The following DLC1 variants were observed in gnomAD, a reference collection of about 807,000 sequenced individuals.
DLC1 encodes the protein DLC1 Rho GTPase activating protein.
Under a neutral mutation model 140.3 loss-of-function variants are expected in DLC1, and 54 were observed. That is an observed-to-expected ratio of 0.38 (90% CI 0.31 to 0.48). The LOEUF (loss-of-function observed/expected upper bound fraction) is 0.48. Among genes scored for constraint, DLC1 ranks in the 20% least tolerant of loss-of-function variants. DLC1 has a pLI of 0.96. For synonymous variants in DLC1, 986 were observed against 728.1 expected, an observed-to-expected ratio of 1.35 and a Z score of -5.70; for missense variants, 2,536 against 1,907.0, an observed-to-expected ratio of 1.33 and a Z score of -6.14.
intron 1 of DLC1, among the ~76,000 whole-genome samples, chr8:13,528,957 T>A (rs1047241016): frequency 6.6e-6 from 1 of 152,182 alleles, no homozygotes; most frequent in African/African-American, 2.4e-5. Context: ...CCACCATGCA[T>A]GCTTGAACAC....
chr8:13,436,964 A>T (rs895279926), intron 2 of DLC1, among the ~76,000 whole-genome samples: 11 of 152,346 alleles, frequency 7.2e-5, no homozygotes, highest in Non-Finnish European at 1.3e-4. Context: ...AAATGAATCT[A>T]TAAATATCTA....
chr8:13,217,746 G>A (rs1371381863), intron 5 of DLC1, among the ~76,000 whole-genome samples: 1 of 151,908 alleles, frequency 6.6e-6, no homozygotes, highest in Admixed American at 6.6e-5. Flanking sequence ...GCTGAGGCAG[G>A]AGAATTGCTT....
At chr8:13,516,342 T>C (rs889369395), upstream of DLC1, among the ~76,000 whole-genome samples, 4 of 152,158 alleles carry the variant, frequency 2.6e-5, no homozygotes, top group Admixed American at 2.6e-4. Flanking sequence ...TATCCTGTTC[T>C]TCTCTGAAAT....
rs1358689785 is a variant in DLC1 at position 13,090,395 on chromosome 8, C to T, written c.3931G>A (p.Gly1311Arg). 4.3e-6 allele frequency: 7 copies of T among 1,614,166 alleles called. No individual in the cohort carries two copies. Among genetic ancestry groups the T allele is most frequent in the Non-Finnish European group, 5.9e-6 (7 of 1,180,038 alleles). Reference sequence around the variant, plus strand: ...GCTGAGTCATCATTACCCAGGTGCCCGAGTGCTTCCAGAGTGAGGGGCTTC... The same window carrying T: ...GCTGAGTCATCATTACCCAGGTGCCTGAGTGCTTCCAGAGTGAGGGGCTTC... ...ELKPLTLEAL[G>R]HLGNDDSADY... The change falls in exon 15 of 18, where the codon GGG becomes AGG. Residue 1311 changes from glycine (G) to arginine (R), a missense_variant. Physicochemically the swap from Gly to Arg is moderately radical, Grantham distance 125. Transcript: ENST00000276297.
intron 5 of DLC1, among the ~76,000 whole-genome samples, chr8:13,230,597 C>CTTTTTTTT (rs548424340): frequency 1.2e-4 from 16 of 133,668 alleles, no homozygotes; most frequent in Non-Finnish European, 1.5e-4. Flanking sequence ...TTTCTTTTTT[C>CTTTTTTTT]TTTTTTTTTT....
chr8:13,335,063 G>A (rs1027185739), intron 4 of DLC1, among the ~76,000 whole-genome samples: 2 of 152,148 alleles, frequency 1.3e-5, no homozygotes, highest in African/African-American at 4.8e-5. Context: ...CTGGACTCAG[G>A]AGAGAGGTCC....
chr8:13,485,711 T>A (rs1800939994), intron 2 of DLC1, among the ~76,000 whole-genome samples: 1 of 152,222 alleles, frequency 6.6e-6, no homozygotes, highest in Non-Finnish European at 1.5e-5. Context: ...GTTCACTTAT[T>A]CTCTAACAGA....
chr8:13,302,044 G>A (rs771918160), intron 5 of DLC1, among the ~76,000 whole-genome samples: 2 of 152,148 alleles, frequency 1.3e-5, no homozygotes, highest in African/African-American at 2.4e-5. Flanking sequence ...TATACATATC[G>A]ATACTTGTGT....
intron 5 of DLC1, among the ~76,000 whole-genome samples, chr8:13,190,586 C>T (rs1254481581): frequency 6.6e-6 from 1 of 152,176 alleles, no homozygotes; most frequent in Admixed American, 6.5e-5. Flanking sequence ...AGGCAAAAGT[C>T]ATAAATAGGT....
chr8:13,189,664 C>A (rs962981454), intron 5 of DLC1, among the ~76,000 whole-genome samples: 5 of 152,140 alleles, frequency 3.3e-5, no homozygotes, highest in African/African-American at 1.2e-4. Context: ...AGGTGGGTCA[C>A]CTGAGGTTAG....
At chr8:13,585,622 T>A (rs2117456865) in intron 1 of DLC1, among the ~76,000 whole-genome samples, 1 of 152,334 alleles carries the variant, frequency 6.6e-6, no homozygotes, top group Admixed American at 6.5e-5. Flanking sequence ...AATTGAGGTA[T>A]CACCAGGGTT....
At chr8:13,319,469 C>T (rs1163427221) in intron 4 of DLC1, among the ~76,000 whole-genome samples, 2 of 59,416 alleles carry the variant, frequency 3.4e-5, no homozygotes, top group African/African-American at 1.6e-4. Context: ...GGCCTGCTGG[C>T]GGGGCGGGGG....
At chr8:13,089,054 T>G (rs1563563225) in intron 15 of DLC1, among the ~76,000 whole-genome samples, 1 of 150,656 alleles carries the variant, frequency 6.6e-6, no homozygotes, top group African/African-American at 2.4e-5. Context: ...AGGTCAGGAG[T>G]TCAAGACCAG....
At chr8:13,430,679 A>G (rs1200369882) in intron 2 of DLC1, among the ~76,000 whole-genome samples, 1 of 152,202 alleles carries the variant, frequency 6.6e-6, no homozygotes. Context: ...TTGCTTTAGG[A>G]AATTTGGTAA....
intron 5 of DLC1, among the ~76,000 whole-genome samples, chr8:13,166,106 C>A (rs2116900630): frequency 6.6e-6 from 1 of 152,284 alleles, no homozygotes; most frequent in South Asian, 2.1e-4. Context: ...TCCCTAATGA[C>A]AGGATGCCAT....
intron 1 of DLC1, among the ~76,000 whole-genome samples, chr8:13,590,451 C>A (rs1447363877): frequency 2.6e-5 from 4 of 152,024 alleles, no homozygotes; most frequent in African/African-American, 4.8e-5. Context: ...GTCATGAAAA[C>A]AGCTGGTTCT....
intron 4 of DLC1, among the ~76,000 whole-genome samples, chr8:13,389,024 C>T (rs1227787483): frequency 6.6e-6 from 1 of 151,976 alleles, no homozygotes; most frequent in African/African-American, 2.4e-5. Flanking sequence ...CGTTCAGGAG[C>T]ATTGAGGATC....
intron 5 of DLC1, among the ~76,000 whole-genome samples, chr8:13,273,686 CTG>C (rs59265902): frequency 0.2 from 12,178 of 62,366 alleles, 1,063 homozygotes; most frequent in Admixed American, 0.25. Context: ...AGAACTGTGC[CTG>C]TGTGTGTGTG....
chr8:13,499,050 T>G lies in DLC1; in HGVS notation c.1022A>C (p.Lys341Thr). ...AGAGAATCTGTGCATATGTCTTACCTTTCTCTTACGAAGTCTGACTTGGTT... is the reference window on the plus strand; with the variant it reads ...AGAGAATCTGTGCATATGTCTTACCGTTCTCTTACGAAGTCTGACTTGGTT... ...TDNQVRLRKR[K>T]EIREDRDRAR... is the part of the protein sequence containing the mutation. Residue 341 changes from lysine to threonine, a missense_variant and splice_region_variant, in exon 2 of 18, where the codon AAG becomes ACG. By Grantham distance (78) the Lys-to-Thr change is moderately conservative. Coordinates refer to ENST00000276297, the MANE Select transcript of DLC1 (RefSeq NM_182643.3). The G allele has an allele frequency of 6.2e-7, 1 of 1,607,122 alleles. No individual in the cohort carries two copies. Among genetic ancestry groups the G allele is most frequent in the Non-Finnish European group, 8.5e-7 (1 of 1,177,260 alleles).
Sources: allele counts gnomAD v4.1 joint callset (sites outside exome capture counted in the v4.1 genomes callset), GRCh38; gene constraint gnomAD v4.1.1; transcripts MANE v1.5; gene names NCBI Gene and HGNC (gene_info 2026-07-23, HGNC 2026-07-21).